The following ST3GAL3 variants were observed in gnomAD, a reference collection of about 807,000 sequenced individuals.
The protein encoded by ST3GAL3 is ST3 beta-galactoside alpha-2,3-sialyltransferase 3, also known as CMP-N-acetylneuraminate-beta-1,4-galactoside alpha-2,3-sialyltransferase.
A neutral mutation model predicts 50.1 loss-of-function variants in ST3GAL3; 21 were observed. The observed-to-expected ratio is 0.42, with a 90% CI of 0.30 to 0.60. ST3GAL3 has a LOEUF of 0.60. Ranked by LOEUF, ST3GAL3 falls within the 20% of genes least tolerant of loss-of-function variation. ST3GAL3 has a pLI of 0.19. For synonymous variants in ST3GAL3, 183 were observed against 190.0 expected (o/e 0.96, Z 0.30); for missense variants, 353 against 489.4 (o/e 0.72, Z 2.63).
chr1:43,714,676 C>T (rs1395999984), intron 1 of ST3GAL3, among the ~76,000 whole-genome samples: 1 of 152,130 alleles, frequency 6.6e-6, no homozygotes, highest in African/African-American at 2.4e-5. Context: ...CCAACCCTTG[C>T]TCAGAAGTGA....
At chr1:43,778,869 G>A (rs190785613) in intron 2 of ST3GAL3, among the ~76,000 whole-genome samples, 2 of 151,696 alleles carry the variant, frequency 1.3e-5, no homozygotes, top group Non-Finnish European at 2.9e-5. Context: ...GGATGGTCTC[G>A]ACCTCCTAAC....
rs749535087 is a variant in ST3GAL3, at chr1:43,899,742, C to T, written c.744+15C>T. ...AGGAGAGAGTGGTAAGCTCTCCTGG[C>T]ACCAGCTTCTTCCCCTCTTGCCCTG... On this transcript the variant is annotated intron_variant, in intron 9 of 11. Transcript: ENST00000347631. The surrounding 1 kb of genome is among the most constrained non-coding windows in gnomAD (Gnocchi z 5.4). 4.4e-5 allele frequency: 71 copies of T among 1,611,082 alleles called. No homozygotes were observed. In the East Asian group the frequency reaches 1.5e-3, roughly 34 times the overall value.
intron 11 of ST3GAL3, among the ~76,000 whole-genome samples, chr1:43,927,448 G>T (rs997818206): frequency 6.6e-6 from 1 of 152,156 alleles, no homozygotes; most frequent in African/African-American, 2.4e-5. Flanking sequence ...CAAATGTCCA[G>T]TCCTCTGCTG....
intron 5 of ST3GAL3, among the ~76,000 whole-genome samples, chr1:43,857,896 G>A (rs201337981): frequency 2.6e-5 from 4 of 152,068 alleles, no homozygotes; most frequent in African/African-American, 4.8e-5. Flanking sequence ...GATTACAGGC[G>A]TGAGCCACCA....
chr1:43,856,073 T>TA (rs1259721307), intron 5 of ST3GAL3, among the ~76,000 whole-genome samples: 1 of 152,230 alleles, frequency 6.6e-6, no homozygotes, highest in African/African-American at 2.4e-5. Flanking sequence ...ACATCTGAAA[T>TA]ACCATGACTG....
intron 3 of ST3GAL3, among the ~76,000 whole-genome samples, chr1:43,804,394 G>A (rs897300438): frequency 9.9e-5 from 15 of 152,074 alleles, no homozygotes; most frequent in Admixed American, 3.9e-4. Context: ...TTTCCTGCTA[G>A]TCAGGGAACT....
rs942865331 is a variant in ST3GAL3, at chr1:43,899,416, G to A, written c.558-125G>A. 2.7e-5 allele frequency: 43 copies of A among 1,568,630 alleles called. No individual in the cohort carries two copies. The highest frequency in any genetic ancestry group is 1.7e-4 in the South Asian group (15 of 88,066). ...GAGGGCTTTGGAACAGACAACTAGC[G>A]GGGGCACCTGGGGAGAATAGGTCCA... On this transcript the variant is annotated intron_variant, in intron 8 of 11. Transcript: ENST00000347631. This position sits in a 1 kb window ranked among gnomAD's most constrained non-coding sequence, Gnocchi z 5.4.
chr1:43,722,043 A>G (rs1431573596), intron 1 of ST3GAL3, among the ~76,000 whole-genome samples: 1 of 152,170 alleles, frequency 6.6e-6, no homozygotes, highest in Non-Finnish European at 1.5e-5. Context: ...ATAAATATTA[A>G]ATTATTGTAA....
intron 5 of ST3GAL3, among the ~76,000 whole-genome samples, chr1:43,880,652 T>C (rs1401432126): frequency 1.3e-5 from 2 of 152,158 alleles, no homozygotes; most frequent in African/African-American, 4.8e-5. Context: ...TCTTTAGAAA[T>C]TGTCTGATCT....
At chr1:43,896,380 A>G (rs935027857) in intron 6 of ST3GAL3, among the ~76,000 whole-genome samples, 2 of 152,344 alleles carry the variant, frequency 1.3e-5, no homozygotes, top group East Asian at 3.9e-4. Context: ...CAAGCATACA[A>G]AAAATACTAG....
At chr1:43,778,115 A>G (rs1021109594) in intron 2 of ST3GAL3, among the ~76,000 whole-genome samples, 9 of 152,338 alleles carry the variant, frequency 5.9e-5, no homozygotes, top group African/African-American at 2.2e-4. Flanking sequence ...GAATGAGATC[A>G]TGTCCTCTGC....
intron 4 of ST3GAL3, among the ~76,000 whole-genome samples, chr1:43,819,845 C>T (rs994934208): frequency 1.3e-5 from 2 of 152,122 alleles, no homozygotes; most frequent in Non-Finnish European, 2.9e-5. Context: ...TATTTAGCTC[C>T]CATTTATAAG....
intron 6 of ST3GAL3, 96 bp from the exon 7 acceptor site, chr1:43,898,139 C>T (rs1482499119): frequency 1.2e-5 from 16 of 1,316,578 alleles, no homozygotes; most frequent in Admixed American, 1.7e-5. Context: ...TTCACTCTAG[C>T]CCCTAGGGAC....
At chr1:43,860,973 G>T (rs2069774387) in intron 5 of ST3GAL3, among the ~76,000 whole-genome samples, 1 of 152,240 alleles carries the variant, frequency 6.6e-6, no homozygotes, top group African/African-American at 2.4e-5. Context: ...AGGACGAGGG[G>T]TACATCTTTA....
At chr1:43,872,263 G>A (rs1218509036) in intron 5 of ST3GAL3, among the ~76,000 whole-genome samples, 1 of 100,250 alleles carries the variant, frequency 1.0e-5, no homozygotes, top group South Asian at 4.4e-4. Context: ...GTGGGGGGAA[G>A]GGGGGAGGGG....
At chr1:43,858,080 G>C (rs372437395) in intron 5 of ST3GAL3, 1 of 1,262,778 alleles carries the variant, frequency 7.9e-7, no homozygotes, top group East Asian at 5.6e-5. Flanking sequence ...GAATAGGGCT[G>C]GGTTGCTCAA....
rs1431572807 is a variant in ST3GAL3, at chr1:43,929,592, C to T, written c.1039-540C>T. On this transcript the variant is annotated intron_variant, in intron 11 of 11. Transcript: ENST00000347631. ...CTGGGATTACAGGCGTGAGCCACCGCGCCTGGCCTATTTTTAATTTTCTAA... is the reference window on the plus strand; with the variant it reads ...CTGGGATTACAGGCGTGAGCCACCGTGCCTGGCCTATTTTTAATTTTCTAA... Among the ~76,000 whole-genome samples the T allele has an allele frequency of 3.3e-5, 5 of 152,284 alleles. No individual in the cohort carries two copies. In the South Asian group the frequency reaches 6.2e-4, roughly 19 times the overall value.
At chr1:43,902,095 G>A (rs1441485217) in intron 9 of ST3GAL3, among the ~76,000 whole-genome samples, 1 of 152,204 alleles carries the variant, frequency 6.6e-6, no homozygotes, top group Admixed American at 6.5e-5. Flanking sequence ...CTGAGACCCA[G>A]GAAAATGTGA....
At chr1:43,773,038 C>T (rs964375906) in intron 2 of ST3GAL3, among the ~76,000 whole-genome samples, 1 of 152,166 alleles carries the variant, frequency 6.6e-6, no homozygotes, top group Non-Finnish European at 1.5e-5. Flanking sequence ...TGAGCCACCT[C>T]GCCAGGCCTA....
Sources: allele counts gnomAD v4.1 joint callset (sites outside exome capture counted in the v4.1 genomes callset), GRCh38; gene constraint gnomAD v4.1.1; non-coding constraint Gnocchi (gnomAD v3.1); transcripts MANE v1.5; gene names NCBI Gene and HGNC (gene_info 2026-07-23, HGNC 2026-07-21).